The following CNOT6L variants were observed in gnomAD, a reference collection of about 807,000 sequenced individuals.
CNOT6L encodes the protein CCR4-NOT transcription complex subunit 6-like.
Under a neutral mutation model 64.0 loss-of-function variants are expected in CNOT6L, and 7 were observed. The observed-to-expected ratio is 0.11, with a 90% CI of 0.06 to 0.21. CNOT6L has a LOEUF of 0.21. CNOT6L is among the 10% of genes least tolerant of loss of function. CNOT6L has a pLI of 1.00. For synonymous variants in CNOT6L, 193 were observed against 243.4 expected, an observed-to-expected ratio of 0.79 and a Z score of 1.93; for missense variants, 245 against 669.0, an observed-to-expected ratio of 0.37 and a Z score of 6.99.
intron 5 of CNOT6L, among the ~76,000 whole-genome samples, chr4:77,749,336 G>T (rs1428538394): frequency 2.0e-5 from 3 of 152,142 alleles, no homozygotes; most frequent in Admixed American, 1.3e-4. Context: ...CATCCAGCTT[G>T]TTCAACATAC....
intron 8 of CNOT6L, among the ~76,000 whole-genome samples, chr4:77,739,835 T>C (rs1723380113): frequency 6.6e-6 from 1 of 152,182 alleles, no homozygotes; most frequent in African/African-American, 2.4e-5. Flanking sequence ...AAGAATCAAT[T>C]TGCAAATACC....
intron 5 of CNOT6L, among the ~76,000 whole-genome samples, chr4:77,753,883 T>C (rs1725148641): frequency 2.9e-5 from 4 of 139,314 alleles, no homozygotes; most frequent in African/African-American, 1.0e-4. Context: ...TCTGATAAAT[T>C]TCAAAATCTA....
At chr4:77,740,929 A>C (rs1008443691) in intron 8 of CNOT6L, among the ~76,000 whole-genome samples, 1 of 152,190 alleles carries the variant, frequency 6.6e-6, no homozygotes, top group Non-Finnish European at 1.5e-5. Flanking sequence ...CCTGGGAACA[A>C]CAGGCTATAC....
rs1720631716 is a variant in CNOT6L at position 77,715,320 on chromosome 4, G to C, written c.*5111C>G. 6.6e-6 allele frequency: 1 copy of C among 151,908 alleles called. No individual in the cohort carries two copies. The highest frequency in any genetic ancestry group is 1.5e-5 in the Non-Finnish European group (1 of 67,972). 9.4% of individuals were successfully genotyped at this position (151,908 alleles called of 1,614,324 possible). ...TCTGATGACATACTTCTAAAATGCAGTTCAATGCTACTCAGTTTATACAAT... is the reference window on the plus strand; with the variant it reads ...TCTGATGACATACTTCTAAAATGCACTTCAATGCTACTCAGTTTATACAAT... On this transcript the variant is annotated 3_prime_UTR_variant, in exon 12 of 12. Coordinates refer to ENST00000504123, the MANE Select transcript of CNOT6L (RefSeq NM_144571.3).
chr4:77,720,784 A>G (rs1721195409), intron 11 of CNOT6L, 141 bp from the exon 12 acceptor site: 2 of 719,144 alleles, frequency 2.8e-6, no homozygotes, highest in Non-Finnish European at 4.6e-6. Flanking sequence ...AGGCTCAAAT[A>G]TTCAATGGGT....
intron 1 of CNOT6L, among the ~76,000 whole-genome samples, chr4:77,778,796 G>A (rs949106122): frequency 6.6e-6 from 1 of 151,614 alleles, no homozygotes; most frequent in Non-Finnish European, 1.5e-5. Context: ...TGTAATCCTA[G>A]CACTTTGGGA....
At chr4:77,820,075 T>C (rs1030836180), upstream of CNOT6L, among the ~76,000 whole-genome samples, 4 of 152,026 alleles carry the variant, frequency 2.6e-5, no homozygotes, top group Non-Finnish European at 4.4e-5. Flanking sequence ...GGGTTGCCGC[T>C]GCGCCGGGTG....
At position 77,715,072 on chromosome 4, in the gene CNOT6L, T is replaced by C. The variant is rs1720605239; in HGVS notation, c.*5359A>G. 4 of 152,146 alleles carry C rather than the reference T, an allele frequency of 2.6e-5. No homozygotes were observed. 9.4% of individuals were successfully genotyped at this position (152,146 alleles called of 1,614,324 possible). ...GAAATGAGCAAGAAAGGACCACTTCTGAGAGGGTTACCATGATTCTTACGC... is the reference window on the plus strand; with the variant it reads ...GAAATGAGCAAGAAAGGACCACTTCCGAGAGGGTTACCATGATTCTTACGC... On this transcript the variant is annotated 3_prime_UTR_variant, in exon 12 of 12. Transcript: ENST00000504123.
intron 1 of CNOT6L, among the ~76,000 whole-genome samples, chr4:77,804,054 T>C (rs529495159): frequency 6.6e-6 from 1 of 152,212 alleles, no homozygotes; most frequent in Non-Finnish European, 1.5e-5. Flanking sequence ...AATGAAAACA[T>C]ACGTCTTCAC....
intron 8 of CNOT6L, among the ~76,000 whole-genome samples, chr4:77,739,552 T>C (rs1282332042): frequency 6.6e-6 from 1 of 152,188 alleles, no homozygotes; most frequent in Non-Finnish European, 1.5e-5. Flanking sequence ...TTCCAAATAG[T>C]TGGCACTGAA....
intron 7 of CNOT6L, among the ~76,000 whole-genome samples, chr4:77,743,919 T>C (rs976468629): frequency 2.0e-5 from 3 of 152,084 alleles, no homozygotes; most frequent in Non-Finnish European, 4.4e-5. Context: ...CACAACATTT[T>C]TAAACACCTT....
intron 3 of CNOT6L, 23 bp from the exon 4 acceptor site, chr4:77,773,189 AT>A (rs751628226): frequency 9.3e-6 from 12 of 1,289,122 alleles, no homozygotes; most frequent in Admixed American, 4.9e-5. Flanking sequence ...AAAAAAAAAA[AT>A]TAGTTTAATA....
intron 1 of CNOT6L, among the ~76,000 whole-genome samples, chr4:77,787,152 G>C (rs1365830927): frequency 6.6e-6 from 1 of 152,062 alleles, no homozygotes; most frequent in Non-Finnish European, 1.5e-5. Context: ...CTATAATCCA[G>C]CTACTCGGGA....
intron 7 of CNOT6L, among the ~76,000 whole-genome samples, chr4:77,744,006 C>G (rs980706438): frequency 6.6e-6 from 1 of 152,050 alleles, no homozygotes; most frequent in Non-Finnish European, 1.5e-5. Flanking sequence ...ATATATGTAT[C>G]AAAACATCAC....
intron 1 of CNOT6L, among the ~76,000 whole-genome samples, chr4:77,813,551 C>CG (rs1257094744): frequency 6.6e-6 from 1 of 152,088 alleles, no homozygotes; most frequent in East Asian, 1.9e-4. Context: ...AAAAAAGACT[C>CG]TTACAACTCA....
upstream of CNOT6L, chr4:77,819,487 A>G (rs1734054174): frequency 2.3e-6 from 3 of 1,328,846 alleles, no homozygotes; most frequent in Non-Finnish European, 3.0e-6. Flanking sequence ...GCCCGCCCCG[A>G]GGGGAAGCCG....
intron 1 of CNOT6L, among the ~76,000 whole-genome samples, chr4:77,794,319 T>C (rs1730542268): frequency 6.6e-6 from 1 of 151,896 alleles, no homozygotes. Flanking sequence ...TAATATCAAA[T>C]GAAACAAGAG....
intron 7 of CNOT6L, among the ~76,000 whole-genome samples, chr4:77,743,411 TTC>T (rs1047689250): frequency 1.7e-4 from 26 of 152,172 alleles, no homozygotes; most frequent in African/African-American, 5.5e-4. Flanking sequence ...CTCTCCCCAA[TTC>T]TCTGTTAGTC....
intron 1 of CNOT6L, among the ~76,000 whole-genome samples, chr4:77,780,737 T>A (rs1006717994): frequency 2.0e-5 from 3 of 150,844 alleles, no homozygotes; most frequent in African/African-American, 7.4e-5. Flanking sequence ...AAGACTTTAA[T>A]AAATTTGTCT....
Sources: allele counts gnomAD v4.1 joint callset (sites outside exome capture counted in the v4.1 genomes callset), GRCh38; gene constraint gnomAD v4.1.1; transcripts MANE v1.5; gene names NCBI Gene and HGNC (gene_info 2026-07-23, HGNC 2026-07-21).